The following SPG21 variants were observed in gnomAD, a reference collection of about 807,000 sequenced individuals.
The protein encoded by SPG21 is maspardin.
Under a neutral mutation model 38.9 loss-of-function variants are expected in SPG21, and 26 were observed. The ratio of observed to expected loss-of-function variants is 0.67; its 90% confidence interval spans 0.49 to 0.93. The LOEUF (loss-of-function observed/expected upper bound fraction) is 0.93, where lower values mean the gene tolerates loss of function less well. Ranked by LOEUF, SPG21 falls within the 40% of genes least tolerant of loss-of-function variation. The pLI is 0.00. For missense variants in SPG21, 333 were observed against 376.5 expected (o/e 0.88, Z 0.96); for synonymous variants, 136 against 128.9 (o/e 1.05, Z -0.37).
intron 2 of SPG21, 137 bp from the exon 3 acceptor site, chr15:64,981,162 T>G: frequency 2.0e-6 from 2 of 989,602 alleles, no homozygotes; most frequent in South Asian, 1.5e-5. Flanking sequence ...CACACCAGAT[T>G]AGCATGCATG....
intron 1 of SPG21, among the ~76,000 whole-genome samples, chr15:64,984,315 T>C (rs1465792208): frequency 6.6e-6 from 1 of 152,170 alleles, no homozygotes; most frequent in Non-Finnish European, 1.5e-5. Context: ...CCTGTCTGAT[T>C]ATAGGGATAG....
intron 5 of SPG21, among the ~76,000 whole-genome samples, chr15:64,973,069 T>C (rs1003774716): frequency 6.6e-6 from 1 of 152,266 alleles, no homozygotes; most frequent in African/African-American, 2.4e-5. Context: ...GCTCAAGCGA[T>C]CCTCCTGCCT....
At chr15:64,967,032 C>T (rs1023756051) in intron 7 of SPG21, among the ~76,000 whole-genome samples, 8 of 151,620 alleles carry the variant, frequency 5.3e-5, no homozygotes, top group African/African-American at 1.9e-4. Context: ...CAATTCATAT[C>T]CATTAGGATA....
intron 7 of SPG21, among the ~76,000 whole-genome samples, chr15:64,967,925 C>T (rs2085575767): frequency 6.6e-6 from 1 of 152,132 alleles, no homozygotes; most frequent in Non-Finnish European, 1.5e-5. Context: ...TACTTTTACA[C>T]CAATGTTCAT....
chr15:64,983,499 A>G lies in SPG21; in HGVS notation c.63+8T>C. On this transcript the variant is annotated splice_region_variant and intron_variant, in intron 2 of 8. Coordinates refer to ENST00000204566, the MANE Select transcript of SPG21 (RefSeq NM_016630.7). The stretch of plus-strand genomic sequence containing the variant: ...TGCAAATAAGAGGTATAGTAAAACC[A>G]TACATACCTTTTTAAGGGGAACTGT... 1.3e-6 allele frequency: 2 copies of G among 1,564,674 alleles called. No homozygotes were observed. The highest frequency in any genetic ancestry group is 1.7e-6 in the Non-Finnish European group (2 of 1,148,086).
chr15:64,969,140 A>G, intron 7 of SPG21, 115 bp downstream of exon 7: 1 of 755,768 alleles, frequency 1.3e-6, no homozygotes. Flanking sequence ...GTAAAAACAA[A>G]AGCCAAGGCA....
chr15:64,975,218 G>A (rs1270465463), intron 4 of SPG21, among the ~76,000 whole-genome samples: 1 of 151,332 alleles, frequency 6.6e-6, no homozygotes, highest in African/African-American at 2.4e-5. Flanking sequence ...AACCTGGCAG[G>A]CGGAGGTTGC....
chr15:64,986,589 G>A (rs530900131), intron 1 of SPG21, among the ~76,000 whole-genome samples: 9 of 151,736 alleles, frequency 5.9e-5, no homozygotes, highest in Admixed American at 1.3e-4. Flanking sequence ...CTCGGGAGGC[G>A]AGGCAGGAGA....
chr15:64,974,194 C>T (rs763363514), intron 5 of SPG21, among the ~76,000 whole-genome samples: 2 of 152,210 alleles, frequency 1.3e-5, no homozygotes, highest in African/African-American at 2.4e-5. Flanking sequence ...GAGCCGGGCA[C>T]AGTGGCTCAT....
chr15:64,973,623 G>A (rs796344888), intron 5 of SPG21, among the ~76,000 whole-genome samples: 20 of 152,174 alleles, frequency 1.3e-4, no homozygotes, highest in African/African-American at 4.6e-4. Flanking sequence ...AGCTAATTTT[G>A]TATTTTTAGT....
chr15:64,971,798 T>G (rs2085671327), intron 5 of SPG21, among the ~76,000 whole-genome samples: 1 of 152,170 alleles, frequency 6.6e-6, no homozygotes, highest in South Asian at 2.1e-4. Flanking sequence ...GCCACTGCAC[T>G]CCAGCCTGGG....
In SPG21 at chr15:64,969,245, G is replaced by A. The variant is rs748343212; in HGVS notation, c.669+10C>T. On this transcript the variant is annotated intron_variant, in intron 7 of 8. Coordinates refer to ENST00000204566, the MANE Select transcript of SPG21 (RefSeq NM_016630.7). ...AGTAAAGCAGCTATTTTACTTAAAA[G>A]GAAGCTTACATCCATAATAGTTACA... 6.5e-7 allele frequency: 1 copy of A among 1,550,036 alleles called. No homozygotes were observed. The highest frequency in any genetic ancestry group is 8.9e-7 in the Non-Finnish European group (1 of 1,121,852).
chr15:64,972,579 T>A (rs2085688749), intron 5 of SPG21, among the ~76,000 whole-genome samples: 1 of 152,174 alleles, frequency 6.6e-6, no homozygotes, highest in African/African-American at 2.4e-5. Flanking sequence ...ATGCCTGTAA[T>A]CCCAGCACTT....
chr15:64,966,457 C>G (rs571678057), intron 7 of SPG21, among the ~76,000 whole-genome samples: 4 of 152,264 alleles, frequency 2.6e-5, no homozygotes, highest in African/African-American at 9.6e-5. Flanking sequence ...GAAAGAAGGG[C>G]AGGCAGAGCA....
At chr15:64,981,702 G>A (rs1019130157) in intron 2 of SPG21, 10 of 151,886 alleles carry the variant, frequency 6.6e-5, no homozygotes, top group African/African-American at 2.2e-4. Flanking sequence ...GCAAGCTGAG[G>A]TAAGACAAGT....
chr15:64,975,801 C>T (rs1020909912), intron 4 of SPG21, among the ~76,000 whole-genome samples: 5 of 151,944 alleles, frequency 3.3e-5, no homozygotes, highest in Admixed American at 1.3e-4. Context: ...GTATTGATTC[C>T]GGCTTCAACA....
chr15:64,973,870 A>T (rs1264058484), intron 5 of SPG21, among the ~76,000 whole-genome samples: 2 of 152,254 alleles, frequency 1.3e-5, no homozygotes, highest in Non-Finnish European at 2.9e-5. Flanking sequence ...TCTCAAGGAA[A>T]TAAATTGGAA....
chr15:64,964,272 A>T (rs2085502340), intron 8 of SPG21, among the ~76,000 whole-genome samples: 1 of 152,206 alleles, frequency 6.6e-6, no homozygotes, highest in Admixed American at 6.5e-5. Context: ...GAGTCCCTGC[A>T]GAGTCTCCTG....
At chr15:64,970,767 C>A (rs1397090041) in intron 5 of SPG21, among the ~76,000 whole-genome samples, 1 of 152,104 alleles carries the variant, frequency 6.6e-6, no homozygotes, top group Non-Finnish European at 1.5e-5. Flanking sequence ...GAGACAGAGT[C>A]TCAGTCAGTT....
Sources: allele counts gnomAD v4.1 joint callset (sites outside exome capture counted in the v4.1 genomes callset), GRCh38; gene constraint gnomAD v4.1.1; transcripts MANE v1.5; gene names NCBI Gene and HGNC (gene_info 2026-07-23, HGNC 2026-07-21).